GORAB: variants seen among roughly 807,000 people sequenced by gnomAD.
GORAB encodes RAB6-interacting golgin.
A neutral mutation model predicts 29.9 loss-of-function variants in GORAB; 17 were observed. That is an observed-to-expected ratio of 0.57 (90% CI 0.39 to 0.85). The LOEUF (loss-of-function observed/expected upper bound fraction) is 0.85. Ranked by LOEUF, GORAB falls within the 40% of genes least tolerant of loss-of-function variation. The pLI is 0.00. For synonymous variants in GORAB, 183 were observed against 157.2 expected (o/e 1.16, Z -1.23); for missense variants, 442 against 437.8 (o/e 1.01, Z -0.09).
intron 1 of GORAB, chr1:170,533,455 G>A: frequency 5.1e-6 from 2 of 391,010 alleles, no homozygotes; most frequent in Non-Finnish European, 1.1e-5. Flanking sequence ...CACATACTTT[G>A]ATATACAGGG....
At chr1:170,533,194 G>A (rs943822855) in intron 1 of GORAB, among the ~76,000 whole-genome samples, 6 of 152,178 alleles carry the variant, frequency 3.9e-5, no homozygotes, top group African/African-American at 1.4e-4. Flanking sequence ...CGTTTGTGGG[G>A]AAATTGGATG....
At position 170,544,798 on chromosome 1, in the gene GORAB, TC is replaced by T; in HGVS notation, c.616del (p.Leu206SerfsTer10). 6.2e-7 allele frequency: 1 copy of T among 1,614,090 alleles called. No homozygotes were observed. The highest frequency in any genetic ancestry group is 8.5e-7 in the Non-Finnish European group (1 of 1,179,966). ...ACATGGTGTCAGCTGACATTGGAATTCTCAGGAACCGGATTGATCAGGCCAG... is the reference window on the plus strand; with the variant it reads ...ACATGGTGTCAGCTGACATTGGAATTTCAGGAACCGGATTGATCAGGCCAG... ...DDMVSADIGI[L>X]RNRIDQASLD... On this transcript the variant is annotated frameshift_variant, in exon 4 of 5. Transcript: ENST00000367763. LOFTEE classifies it low-confidence loss of function (END_TRUNC).
intron 1 of GORAB, chr1:170,532,634 G>A (rs879747533): frequency 2.2e-5 from 7 of 323,074 alleles, no homozygotes; most frequent in African/African-American, 4.2e-5. Context: ...GAAGGTTAGG[G>A]TCAGGGTAAG....
At chr1:170,536,704 ACT>A (rs551687383) in intron 1 of GORAB, among the ~76,000 whole-genome samples, 77 of 152,310 alleles carry the variant, frequency 5.1e-4, no homozygotes, top group African/African-American at 1.7e-3. Context: ...AGATCAATAG[ACT>A]CTGGTTTATT....
At chr1:170,545,208 A>G in intron 4 of GORAB, 14 of 1,005,356 alleles carry the variant, frequency 1.4e-5, no homozygotes, top group Non-Finnish European at 1.7e-5. Context: ...CTCTGACACC[A>G]AGTCTGTGTT....
Position 170,532,265 on chromosome 1 carries a change from GAGACTAAAGC to G in GORAB, c.52_61del (p.Gln18IlefsTer25). 2 of 1,614,144 alleles carry G rather than the reference GAGACTAAAGC, an allele frequency of 1.2e-6. No homozygotes were observed. Among genetic ancestry groups the G allele is most frequent in the Non-Finnish European group, 1.7e-6 (2 of 1,179,996 alleles). ...CAGGATTCTCTGAGGAGGAACTGAG[GAGACTAAAGC>G]AGACTAAAGGTTACAAGATGGGTTT... is the stretch of plus-strand genomic sequence containing the variant. On this transcript the variant is annotated frameshift_variant, in exon 1 of 5. Coordinates refer to ENST00000367763, the MANE Select transcript of GORAB (RefSeq NM_152281.3). LOFTEE classifies it high-confidence loss of function.
At chr1:170,541,806 A>G (rs925009253) in intron 2 of GORAB, among the ~76,000 whole-genome samples, 8 of 151,918 alleles carry the variant, frequency 5.3e-5, no homozygotes, top group African/African-American at 1.9e-4. Flanking sequence ...TTAGTGTTTT[A>G]CTTTGTTTAA....
chr1:170,548,024 T>C (rs1287490377), intron 4 of GORAB, among the ~76,000 whole-genome samples: 1 of 152,270 alleles, frequency 6.6e-6, no homozygotes, highest in Admixed American at 6.5e-5. Context: ...TGCATTTGTA[T>C]TAGTTTCCTA....
At chr1:170,541,306 A>T (rs956409326) in intron 2 of GORAB, among the ~76,000 whole-genome samples, 4 of 151,792 alleles carry the variant, frequency 2.6e-5, no homozygotes, top group African/African-American at 9.7e-5. Flanking sequence ...GATCGGAAGC[A>T]GGGGATGCCT....
At chr1:170,539,668 CT>C in intron 2 of GORAB, 101 bp downstream of exon 2, 1 of 1,248,728 alleles carries the variant, frequency 8.0e-7, no homozygotes, top group African/African-American at 1.5e-5. Context: ...AACATTTTCT[CT>C]CCTTTATATT....
At chr1:170,541,063 G>A (rs1033486180) in intron 2 of GORAB, among the ~76,000 whole-genome samples, 2 of 152,060 alleles carry the variant, frequency 1.3e-5, no homozygotes, top group Admixed American at 6.5e-5. Flanking sequence ...AATTAGCTGG[G>A]CGTGGTGGTG....
intron 4 of GORAB, among the ~76,000 whole-genome samples, chr1:170,549,165 A>G (rs1649966437): frequency 1.3e-5 from 2 of 152,196 alleles, no homozygotes. Flanking sequence ...CCCCTTTAAA[A>G]TAACAAAACA....
Position 170,553,029 on chromosome 1 carries a change from C to T in GORAB, c.*567C>T, listed in dbSNP as rs1264444519. The T allele has an allele frequency of 2.2e-6, 1 of 453,670 alleles. No homozygotes were observed. Among genetic ancestry groups the T allele is most frequent in the Admixed American group, 2.4e-5 (1 of 42,510 alleles). 28.1% of individuals were successfully genotyped at this position (453,670 alleles called of 1,614,324 possible). ...ATGTGAAGAACCAAACAACTTAAAC[C>T]AGCATCACTTTTGTCTTCAATTTGC... On this transcript the variant is annotated 3_prime_UTR_variant, in exon 5 of 5. Transcript: ENST00000367763.
intron 4 of GORAB, chr1:170,545,566 T>G: frequency 2.0e-6 from 2 of 985,368 alleles, no homozygotes; most frequent in Non-Finnish European, 2.4e-6. Context: ...ATTTCAGGGT[T>G]TTCAGCCCTT....
intron 1 of GORAB, among the ~76,000 whole-genome samples, chr1:170,535,126 T>A (rs925853635): frequency 6.6e-6 from 1 of 152,192 alleles, no homozygotes; most frequent in African/African-American, 2.4e-5. Flanking sequence ...CATTGGCAAT[T>A]AAATCCTTTC....
chr1:170,538,411 T>C (rs1649184570), intron 1 of GORAB, among the ~76,000 whole-genome samples: 2 of 152,200 alleles, frequency 1.3e-5, no homozygotes, highest in Admixed American at 6.5e-5. Flanking sequence ...TTATGAAATA[T>C]AGTATGAATG....
rs202137082 is a variant in GORAB at position 170,551,974 on chromosome 1, A to G, written c.663-41A>G. 4.2e-5 allele frequency: 65 copies of G among 1,552,180 alleles called. No individual in the cohort carries two copies. The African/African-American group carries it at 6.1e-4, about 15-fold the overall frequency. ...GATCCTCTTTTGAATATCTTCTTCA[A>G]TGGAAAACTGATGGACCTATCTTTA... is the stretch of plus-strand genomic sequence containing the variant. On this transcript the variant is annotated intron_variant, in intron 4 of 4. Coordinates refer to ENST00000367763, the MANE Select transcript of GORAB (RefSeq NM_152281.3).
chr1:170,536,311 C>A (rs1649056998), intron 1 of GORAB: 1 of 151,462 alleles, frequency 6.6e-6, no homozygotes, highest in South Asian at 2.1e-4. Context: ...AAATACAAGA[C>A]AAAAGAAAAG....
At position 170,552,734 on chromosome 1, in the gene GORAB, G is replaced by T. The variant is rs938532000; in HGVS notation, c.*272G>T. 3.9e-6 allele frequency: 2 copies of T among 511,126 alleles called. No homozygotes were observed. The highest frequency in any genetic ancestry group is 7.6e-6 in the Non-Finnish European group (2 of 264,710). The allele number at this position is 511,126 out of a possible 1,614,324, so 31.7% of individuals were successfully genotyped here. On this transcript the variant is annotated 3_prime_UTR_variant, in exon 5 of 5. Coordinates refer to ENST00000367763, the MANE Select transcript of GORAB (RefSeq NM_152281.3). ...AAGTAAGTGACTTAAAAGGATGGAA[G>T]AAAAACTACATGGTTGGAGTGTTTT... is the stretch of plus-strand genomic sequence containing the variant.
Sources: gnomAD v4.1 joint callset for allele counts (sites outside exome capture counted in the v4.1 genomes callset) on GRCh38, gnomAD v4.1.1 for gene constraint, MANE v1.5 for transcripts, NCBI Gene and HGNC (gene_info 2026-07-23, HGNC 2026-07-21) for gene names.